SSH2: variants seen among roughly 807,000 people sequenced by gnomAD.
SSH2 encodes protein phosphatase Slingshot homolog 2.
SSH2 carries 37 observed loss-of-function variants against 135.2 expected under a neutral mutation model. The observed-to-expected ratio is 0.27, with a 90% CI of 0.21 to 0.36. The LOEUF (loss-of-function observed/expected upper bound fraction) is 0.36, where lower values mean the gene tolerates loss of function less well. Among genes scored for constraint, SSH2 ranks in the 10% least tolerant of loss-of-function variants. The pLI, the probability that SSH2 is intolerant of heterozygous loss-of-function variation, is 1.00. For missense variants in SSH2, 1,408 were observed against 1,765.3 expected, an observed-to-expected ratio of 0.80 and a Z score of 3.63; for synonymous variants, 628 against 646.2, an observed-to-expected ratio of 0.97 and a Z score of 0.43.
chr17:29,781,080 G>A (rs891081910), intron 3 of SSH2, among the ~76,000 whole-genome samples: 11 of 152,104 alleles, frequency 7.2e-5, no homozygotes, highest in Non-Finnish European at 1.2e-4. Flanking sequence ...CAAAGTGCTG[G>A]GATTACAGGC....
In SSH2 at chr17:29,853,008, T is replaced by G. The variant is rs578025957; in HGVS notation, c.64-4079A>C. ...ATTTAAATAGATGCTAAAAAGCGTT[T>G]GACAAAATAGTCATTTCTGGTTTCA... On this transcript the variant is annotated intron_variant, in intron 1 of 15. Transcript: ENST00000540801. 3.0e-4 allele frequency among the ~76,000 whole-genome samples: 46 copies of G among 152,058 alleles called. 1 individual carries two copies. The highest frequency in any genetic ancestry group is 8.5e-4 in the Admixed American group (13 of 15,262).
intron 14 of SSH2, among the ~76,000 whole-genome samples, chr17:29,637,985 G>A (rs1312911735): frequency 6.6e-6 from 1 of 151,538 alleles, no homozygotes; most frequent in African/African-American, 2.4e-5. Context: ...GTGGTAGCGG[G>A]CACCTGTAAT....
chr17:29,632,139 G>A lies in SSH2; in HGVS notation c.3055C>T (p.Pro1019Ser). 1.2e-6 allele frequency: 2 copies of A among 1,614,054 alleles called. No individual in the cohort carries two copies. Among genetic ancestry groups the A allele is most frequent in the Middle Eastern group, 3.3e-4 (2 of 6,062 alleles). Residue 1019 changes from proline to serine, a missense_variant, in exon 16 of 16, where the codon CCA (proline) becomes TCA (serine). Around this residue, in one of 3 missense-constraint regions of SSH2, gnomAD observed 1,080 missense variants for 1,144.5 expected, o/e 0.94. Coordinates refer to ENST00000540801, the MANE Select transcript of SSH2 (RefSeq NM_001282129.2). The stretch of plus-strand genomic sequence containing the variant: ...GCTTGTGTTTCAGACTCCTGGTATG[G>A]AATCACAGTCCTCAGATCCTTCAGG... ...GVLKDLRTVI[P>S]YQESETQAVP...
At chr17:29,782,935 G>A (rs1177947782) in intron 3 of SSH2, among the ~76,000 whole-genome samples, 2 of 152,108 alleles carry the variant, frequency 1.3e-5, no homozygotes, top group African/African-American at 4.8e-5. Flanking sequence ...TGGCCAGGCT[G>A]GTCTGGAACC....
At chr17:29,737,580 G>C (rs1298408394) in intron 3 of SSH2, among the ~76,000 whole-genome samples, 1 of 152,160 alleles carries the variant, frequency 6.6e-6, no homozygotes, top group Non-Finnish European at 1.5e-5. Context: ...TATAAAGTTA[G>C]AAGACCTGAA....
At chr17:29,825,753 G>C (rs890330378) in intron 2 of SSH2, among the ~76,000 whole-genome samples, 1 of 152,182 alleles carries the variant, frequency 6.6e-6, no homozygotes, top group Non-Finnish European at 1.5e-5. Context: ...GCCCACATAA[G>C]AGGAATTGTT....
At chr17:29,896,350 C>T (rs1296179882) in intron 1 of SSH2, among the ~76,000 whole-genome samples, 3 of 126,198 alleles carry the variant, frequency 2.4e-5, no homozygotes, top group Non-Finnish European at 3.3e-5. Flanking sequence ...ATTTTATATA[C>T]ACATTTCATG....
At chr17:29,831,345 T>C (rs1342734599) in intron 2 of SSH2, among the ~76,000 whole-genome samples, 1 of 152,140 alleles carries the variant, frequency 6.6e-6, no homozygotes, top group African/African-American at 2.4e-5. Flanking sequence ...TAAAAGGATG[T>C]GTGTGATAAA....
At chr17:29,719,321 G>A (rs2039738052) in intron 3 of SSH2, among the ~76,000 whole-genome samples, 1 of 152,128 alleles carries the variant, frequency 6.6e-6, no homozygotes, top group Admixed American at 6.5e-5. Flanking sequence ...TAGTGGTTAG[G>A]TGTTGGCTTT....
chr17:29,922,912 A>T (rs1014995398), intron 1 of SSH2, among the ~76,000 whole-genome samples: 25 of 152,318 alleles, frequency 1.6e-4, no homozygotes, highest in Middle Eastern at 3.4e-3. Flanking sequence ...AGAAGTCTTT[A>T]AAAAAATTGG....
intron 1 of SSH2, among the ~76,000 whole-genome samples, chr17:29,897,229 A>G (rs1266320158): frequency 1.3e-5 from 2 of 152,106 alleles, no homozygotes; most frequent in African/African-American, 2.4e-5. Context: ...TCAACTAACG[A>G]GCAAAATAAC....
chr17:29,820,508 A>C (rs753016589), intron 2 of SSH2, among the ~76,000 whole-genome samples: 1 of 152,224 alleles, frequency 6.6e-6, no homozygotes, highest in Non-Finnish European at 1.5e-5. Context: ...ACACATAAGC[A>C]AAAGTAAAAT....
intron 8 of SSH2, among the ~76,000 whole-genome samples, chr17:29,672,698 C>G (rs760196612): frequency 4.6e-5 from 7 of 152,078 alleles, no homozygotes; most frequent in Non-Finnish European, 8.8e-5. Context: ...TTTCTAAGAA[C>G]AGATCTGGTT....
intron 3 of SSH2, among the ~76,000 whole-genome samples, chr17:29,704,636 G>A (rs2151129631): frequency 6.7e-6 from 1 of 149,216 alleles, no homozygotes; most frequent in East Asian, 2.0e-4. Flanking sequence ...CTAGGAGTTC[G>A]AGATTATAGT....
chr17:29,744,054 C>T (rs1161438882), intron 3 of SSH2, among the ~76,000 whole-genome samples: 3 of 151,962 alleles, frequency 2.0e-5, no homozygotes, highest in Non-Finnish European at 4.4e-5. Flanking sequence ...AAGAGCGGGC[C>T]GTATTCACAG....
chr17:29,633,445 G>A (rs1187394995), intron 15 of SSH2, among the ~76,000 whole-genome samples: 1 of 152,182 alleles, frequency 6.6e-6, no homozygotes, highest in Non-Finnish European at 1.5e-5. Context: ...CCTGATGTCT[G>A]ATTTGGAGAC....
At chr17:29,814,432 C>CAAAA (rs1179862061) in intron 2 of SSH2, among the ~76,000 whole-genome samples, 165 of 37,736 alleles carry the variant, frequency 4.4e-3, no homozygotes, top group Non-Finnish European at 5.4e-3. Flanking sequence ...GACTCTGTCT[C>CAAAA]AAAAAAAAAA....
At chr17:29,690,068 G>A (rs1237156048) in intron 5 of SSH2, among the ~76,000 whole-genome samples, 4 of 148,962 alleles carry the variant, frequency 2.7e-5, no homozygotes, top group African/African-American at 4.9e-5. Flanking sequence ...TCTAACATCA[G>A]GAAATACTCC....
intron 2 of SSH2, among the ~76,000 whole-genome samples, chr17:29,817,184 C>T (rs9899912): frequency 1.3e-5 from 2 of 152,028 alleles, no homozygotes; most frequent in African/African-American, 2.4e-5. Context: ...AAAGCTGCTC[C>T]GCTACATATT....
Sources: gnomAD v4.1 joint callset for allele counts (sites outside exome capture counted in the v4.1 genomes callset) on GRCh38, gnomAD v4.1.1 for gene constraint, gnomAD v4.1.1 regional missense constraint, MANE v1.5 for transcripts, NCBI Gene and HGNC (gene_info 2026-07-23, HGNC 2026-07-21) for gene names.